CACNA1G: variants seen among roughly 807,000 people sequenced by gnomAD.
The protein encoded by CACNA1G is voltage-dependent T-type calcium channel subunit alpha-1G.
In CACNA1G, 67 loss-of-function variants were observed where a neutral mutation model predicts 219.4. The ratio of observed to expected loss-of-function variants is 0.31; its 90% CI spans 0.25 to 0.37. The LOEUF (loss-of-function observed/expected upper bound fraction) is 0.37, where lower values mean the gene tolerates loss of function less well. CACNA1G is among the 10% of genes least tolerant of loss of function. The pLI is 1.00. For synonymous variants in CACNA1G, 1,296 were observed against 1,345.3 expected, an observed-to-expected ratio of 0.96 and a Z score of 0.80; for missense variants, 2,380 against 3,231.4, an observed-to-expected ratio of 0.74 and a Z score of 6.39.
intron 36 of CACNA1G, 37 bp downstream of exon 36, chr17:50,624,112 G>C: frequency 6.3e-7 from 1 of 1,596,396 alleles, no homozygotes; most frequent in Non-Finnish European, 8.6e-7. Flanking sequence ...GGCTCACACA[G>C]GGAGATTCCA....
chr17:50,569,011 TG>T (rs1389598101), intron 2 of CACNA1G, 30 bp downstream of exon 2: 103 of 1,462,824 alleles, frequency 7.0e-5, no homozygotes, highest in Non-Finnish European at 8.9e-5. Flanking sequence ...TGTGTGTGTG[TG>T]TGTTGTGTGT....
chr17:50,602,632 G>A (rs2046975628), intron 19 of CACNA1G, among the ~76,000 whole-genome samples, 188 bp from the exon 20 acceptor site: 1 of 152,220 alleles, frequency 6.6e-6, no homozygotes, highest in South Asian at 2.1e-4. Flanking sequence ...AGAGCTGCAG[G>A]GGAGTCAGGG....
At position 50,560,843 on chromosome 17, in the gene CACNA1G, C is replaced by T. The variant is rs1041107463; in HGVS notation, c.-617C>T. Among the ~76,000 whole-genome samples the T allele has an allele frequency of 6.6e-6, 1 of 152,112 alleles. No homozygotes were observed. The highest frequency in any genetic ancestry group is 1.5e-5 in the Non-Finnish European group (1 of 67,986). ...GGCGGCTGCGGCGGCGGCATCTCCG[C>T]CTCCACTCCCGCCCGGGACTGCCCC... On this transcript the variant is annotated 5_prime_UTR_variant, in exon 1 of 38. Coordinates refer to ENST00000359106, the MANE Select transcript of CACNA1G (RefSeq NM_018896.5).
At chr17:50,619,133 G>A (rs941519454) in intron 33 of CACNA1G, 125 bp downstream of exon 33, 26 of 732,444 alleles carry the variant, frequency 3.5e-5, no homozygotes, top group East Asian at 8.2e-5. Context: ...CCCGCCCTCC[G>A]TCCTGGATGC....
chr17:50,561,718 G>A lies in CACNA1G; in HGVS notation c.242+17G>A. The stretch of plus-strand genomic sequence containing the variant: ...CTGTAACCCATATCCTTCGGGGCAC[G>A]ACGGCCAGGCGCGGGGTCAGAAGGG... On this transcript the variant is annotated intron_variant, in intron 1 of 37. Transcript: ENST00000359106. 2 of 1,549,742 alleles carry A rather than the reference G, an allele frequency of 1.3e-6. No individual in the cohort carries two copies.
chr17:50,606,578 G>A (rs559965311), intron 23 of CACNA1G: 8 of 543,246 alleles, frequency 1.5e-5, no homozygotes, highest in Admixed American at 9.8e-5. Flanking sequence ...AAACAGAAAT[G>A]CAGAAAATGA....
chr17:50,601,041 G>T lies in CACNA1G; in HGVS notation c.3792-10G>T, dbSNP rs1039261404. On this transcript the variant is annotated splice_polypyrimidine_tract_variant and intron_variant, in intron 18 of 37. Transcript: ENST00000359106. ...TCCCCCTCTCAGCCGTTGCCTCCAT[G>T]CCTGGGCAGGTTCCGCCTCCTGTGT... 1 of 1,613,350 alleles carries T rather than the reference G, an allele frequency of 6.2e-7. No homozygotes were observed. Among genetic ancestry groups the T allele is most frequent in the Non-Finnish European group, 8.5e-7 (1 of 1,179,636 alleles).
intron 1 of CACNA1G, among the ~76,000 whole-genome samples, chr17:50,562,396 G>C (rs2036098197): frequency 6.6e-6 from 1 of 152,190 alleles, no homozygotes; most frequent in Non-Finnish European, 1.5e-5. Flanking sequence ...GGCGCAGAAT[G>C]AGAACAAGAT....
chr17:50,584,654 T>TC (rs2042652334), intron 9 of CACNA1G, among the ~76,000 whole-genome samples: 2 of 151,846 alleles, frequency 1.3e-5, no homozygotes, highest in African/African-American at 4.8e-5. Context: ...AGAATCAAAG[T>TC]GCAGGTGGAG....
rs368793200 is a variant in CACNA1G at position 50,623,861 on chromosome 17, C to G, written c.6061-46C>G. The G allele has an allele frequency of 2.5e-6, 4 of 1,580,056 alleles. No homozygotes were observed. In the African/African-American group the frequency reaches 4.0e-5, roughly 16 times the overall value. On this transcript the variant is annotated intron_variant, in intron 35 of 37. Coordinates refer to ENST00000359106, the MANE Select transcript of CACNA1G (RefSeq NM_018896.5). ...TCAGCGCTGCCTCAGTTACCAAACC[C>G]ACGCACACCCTCTTCCTCCACCTCC...
intron 7 of CACNA1G, chr17:50,573,387 A>G (rs867839263): frequency 5.6e-5 from 20 of 359,276 alleles, no homozygotes; most frequent in South Asian, 6.1e-5. Flanking sequence ...CTTCATGGGT[A>G]AAATGAATGG....
chr17:50,601,784 C>T (rs950867784), intron 19 of CACNA1G, among the ~76,000 whole-genome samples: 7 of 152,164 alleles, frequency 4.6e-5, no homozygotes, highest in African/African-American at 7.2e-5. Flanking sequence ...CCTTCGCTGT[C>T]GGCAGCAATT....
chr17:50,607,625 T>A, intron 24 of CACNA1G: 1 of 556,832 alleles, frequency 1.8e-6, no homozygotes, highest in Non-Finnish European at 3.2e-6. Flanking sequence ...AAAGAGGCAG[T>A]TTTGGATGGA....
In CACNA1G at chr17:50,572,874, G is replaced by C. The variant is rs779120624; in HGVS notation, c.1047+20G>C. On this transcript the variant is annotated intron_variant, in intron 6 of 37. Coordinates refer to ENST00000359106, the MANE Select transcript of CACNA1G (RefSeq NM_018896.5). ...TTCCAGGTGGGGCAGCCTGGGCCCC[G>C]GGAGCTTCCCCAGAACACCAGCCCC... The C allele has an allele frequency of 6.2e-7, 1 of 1,605,946 alleles. No individual in the cohort carries two copies. The highest frequency in any genetic ancestry group is 1.3e-5 in the African/African-American group (1 of 74,830).
intron 16 of CACNA1G, among the ~76,000 whole-genome samples, chr17:50,598,681 T>C (rs1482191819): frequency 6.6e-6 from 1 of 152,196 alleles, no homozygotes; most frequent in Non-Finnish European, 1.5e-5. Flanking sequence ...TGGTTTTAAT[T>C]TGCATTTCCC....
intron 26 of CACNA1G, among the ~76,000 whole-genome samples, chr17:50,613,451 G>T (rs577117955): frequency 6.6e-6 from 1 of 151,976 alleles, no homozygotes; most frequent in Non-Finnish European, 1.5e-5. Flanking sequence ...GGAGGGTCCC[G>T]GCTGAATTGA....
rs2046435454 is a variant in CACNA1G, at chr17:50,600,660, T to C, written c.3691-66T>C. The C allele has an allele frequency of 1.5e-6, 2 of 1,371,348 alleles. No individual in the cohort carries two copies. Among genetic ancestry groups the C allele is most frequent in the African/African-American group, 1.4e-5 (1 of 70,204 alleles). 84.9% of individuals were successfully genotyped at this position (1,371,348 alleles called of 1,614,324 possible). A position where few individuals can be genotyped will look rare whatever the true frequency, so the allele number is the denominator to read the frequency against. On this transcript the variant is annotated intron_variant, in intron 17 of 37. Transcript: ENST00000359106. This position sits in a 1 kb window ranked among gnomAD's most constrained non-coding sequence, Gnocchi z 4.1. ...CAAGGAGTGAGGCTCGTGACTCTGC[T>C]GAGGAGCCAGGAGCCGGGGAACCTG...
rs1246357140 is a variant in CACNA1G, at chr17:50,571,416, G to C, written c.587-462G>C. Among the ~76,000 whole-genome samples the C allele has an allele frequency of 6.6e-6, 1 of 152,138 alleles. No individual in the cohort carries two copies. The highest frequency in any genetic ancestry group is 1.9e-4 in the East Asian group (1 of 5,192). ...CTGTTGAGAGAAGGAAGTAGGTAGG[G>C]AGTGTGCGTGTGAATGTGTGCGGGT... On this transcript the variant is annotated intron_variant, in intron 4 of 37. Coordinates refer to ENST00000359106, the MANE Select transcript of CACNA1G (RefSeq NM_018896.5). This position sits in a 1 kb window ranked among gnomAD's most constrained non-coding sequence, Gnocchi z 4.3.
Position 50,603,084 on chromosome 17 carries a change from C to T in CACNA1G, c.4054C>T (p.Leu1352=). 1 of 1,613,632 alleles carries T rather than the reference C, an allele frequency of 6.2e-7. No individual in the cohort carries two copies. Among genetic ancestry groups the T allele is most frequent in the Non-Finnish European group, 8.5e-7 (1 of 1,179,776 alleles). ...LRSSWNVLDG[L]LVLISVIDIL... ...GAGCAGTTGGAACGTGCTGGACGGG[C>T]TGTTGGTGCTCATCTCCGTCATCGA... The change falls in exon 21 of 38, where the codon CTG becomes TTG. Residue 1352 remains leucine, a synonymous_variant. Coordinates refer to ENST00000359106, the MANE Select transcript of CACNA1G (RefSeq NM_018896.5). This position sits in a 1 kb window ranked among gnomAD's most constrained non-coding sequence, Gnocchi z 6.4.
Sources: allele counts gnomAD v4.1 joint callset (sites outside exome capture counted in the v4.1 genomes callset), GRCh38; gene constraint gnomAD v4.1.1; non-coding constraint Gnocchi (gnomAD v3.1); transcripts MANE v1.5; gene names NCBI Gene and HGNC (gene_info 2026-07-23, HGNC 2026-07-21).